RORA: variants seen among roughly 807,000 people sequenced by gnomAD.
RORA encodes RAR related orphan receptor A, also known as nuclear receptor ROR-alpha.
A neutral mutation model predicts 69.5 loss-of-function variants in RORA; 7 were observed. That is an observed-to-expected ratio of 0.10 (90% CI 0.06 to 0.19). RORA has a LOEUF of 0.19. Among genes scored for constraint, RORA ranks in the 10% least tolerant of loss-of-function variants. The probability of loss-of-function intolerance (pLI) is 1.00; values close to 1 mark genes in which losing one functional copy is unlikely to be tolerated. For synonymous variants in RORA, 261 were observed against 240.8 expected (o/e 1.08, Z -0.78); for missense variants, 457 against 663.0 (o/e 0.69, Z 3.41).
At chr15:61,075,595 C>T (rs1267965609) in intron 1 of RORA, among the ~76,000 whole-genome samples, 1 of 152,186 alleles carries the variant, frequency 6.6e-6, no homozygotes, top group East Asian at 1.9e-4. Flanking sequence ...CTGAGCAGAA[C>T]ATCCTATGAA....
At position 60,837,292 on chromosome 15, in the gene RORA, A is replaced by G. The variant is rs370582026; in HGVS notation, c.167-158606T>C. On this transcript the variant is annotated intron_variant, in intron 1 of 10. Coordinates refer to ENST00000335670, the MANE Select transcript of RORA (RefSeq NM_134261.3). The stretch of plus-strand genomic sequence containing the variant: ...TTTCCTATGTTTGTGTCAATATATC[A>G]AATTAGAAAAAGCAACTGACTAGGA... Among the ~76,000 whole-genome samples the G allele has an allele frequency of 2.0e-5, 3 of 152,226 alleles. No homozygotes were observed. In the East Asian group the frequency reaches 5.8e-4, roughly 29 times the overall value.
At chr15:61,050,268 A>G in intron 1 of RORA, among the ~76,000 whole-genome samples, 1 of 152,212 alleles carries the variant, frequency 6.6e-6, no homozygotes, top group East Asian at 1.9e-4. Flanking sequence ...CCCGTGGCTC[A>G]CAAAGTCTAA....
intron 1 of RORA, among the ~76,000 whole-genome samples, chr15:61,173,715 G>A (rs2079604563): frequency 6.6e-6 from 1 of 152,178 alleles, no homozygotes; most frequent in Admixed American, 6.5e-5. Context: ...GAGTGCAGTG[G>A]CGTGACCACG....
At chr15:61,212,458 G>A (rs2080001959) in intron 1 of RORA, among the ~76,000 whole-genome samples, 1 of 152,154 alleles carries the variant, frequency 6.6e-6, no homozygotes, top group South Asian at 2.1e-4. Context: ...GGAGTGCAAT[G>A]GCGCAATCTC....
At chr15:61,139,062 C>G (rs1470626257) in intron 1 of RORA, among the ~76,000 whole-genome samples, 14 of 151,332 alleles carry the variant, frequency 9.3e-5, no homozygotes, top group African/African-American at 2.2e-4. Context: ...GAGAACGGCA[C>G]GAACCCAGGA....
rs547815861 is a variant in RORA at position 60,765,565 on chromosome 15, C to T, written c.167-86879G>A. ...GTTAGAAGAGATAGCCAAGTTACCA[C>T]ACCTGTATCACGATTCGGATAAGGA... On this transcript the variant is annotated intron_variant, in intron 1 of 10. Transcript: ENST00000335670. 3.3e-5 allele frequency: 5 copies of T among 152,274 alleles called. No homozygotes were observed. In the East Asian group the frequency reaches 9.6e-4, roughly 29 times the overall value. The allele number at this position is 152,274 out of a possible 1,614,324, so 9.4% of individuals were successfully genotyped here.
chr15:60,511,290 G>A lies in RORA; in HGVS notation c.756C>T (p.Gly252=). 6.2e-7 allele frequency: 1 copy of A among 1,614,184 alleles called. No individual in the cohort carries two copies. Among genetic ancestry groups the A allele is most frequent in the African/African-American group, 1.3e-5 (1 of 75,048 alleles). The part of the protein sequence containing the change: ...EPICDYTPAS[G]FFPYCSFTNG... Reference sequence around the variant, plus strand: ...TGGTGAACGAACAGTAGGGAAAGAAGCCTGATGCTGGTGTGTAGTCACATA... The same window carrying A: ...TGGTGAACGAACAGTAGGGAAAGAAACCTGATGCTGGTGTGTAGTCACATA... Residue 252 remains glycine, a synonymous_variant, in exon 5 of 11, where the codon GGC becomes GGT. Coordinates refer to ENST00000335670, the MANE Select transcript of RORA (RefSeq NM_134261.3). The surrounding 1 kb of genome is among the most constrained non-coding windows in gnomAD (Gnocchi z 6.4).
chr15:61,108,931 G>A (rs918415559), intron 1 of RORA, among the ~76,000 whole-genome samples: 3 of 152,168 alleles, frequency 2.0e-5, no homozygotes, highest in Non-Finnish European at 4.4e-5. Context: ...AGGCACCGTG[G>A]CTCACACCTG....
At chr15:60,958,558 G>A (rs559822985) in intron 1 of RORA, among the ~76,000 whole-genome samples, 1 of 152,114 alleles carries the variant, frequency 6.6e-6, no homozygotes, top group Non-Finnish European at 1.5e-5. Context: ...CTGGGAGGCT[G>A]GAATTTTATC....
At chr15:60,979,758 G>T (rs1296904849) in intron 1 of RORA, among the ~76,000 whole-genome samples, 1 of 152,030 alleles carries the variant, frequency 6.6e-6, no homozygotes, top group Non-Finnish European at 1.5e-5. Context: ...GCACGTGTGT[G>T]TTTCTTTAGG....
intron 1 of RORA, among the ~76,000 whole-genome samples, chr15:61,023,871 T>C (rs1280211903): frequency 2.0e-5 from 3 of 152,188 alleles, no homozygotes; most frequent in Non-Finnish European, 4.4e-5. Flanking sequence ...TAACTCCCAC[T>C]AACTCAAGAA....
chr15:60,979,351 T>C (rs976813109), intron 1 of RORA, among the ~76,000 whole-genome samples: 7 of 148,530 alleles, frequency 4.7e-5, no homozygotes, highest in Non-Finnish European at 3.0e-5. Flanking sequence ...TAGGGTCAGC[T>C]TGAATTTTAG....
chr15:60,936,568 C>T (rs930640748), intron 1 of RORA, among the ~76,000 whole-genome samples: 2 of 151,766 alleles, frequency 1.3e-5, no homozygotes, highest in African/African-American at 2.4e-5. Context: ...CATCACCTAG[C>T]CCCCAAACGG....
At chr15:60,533,595 C>T (rs545344202) in intron 2 of RORA, among the ~76,000 whole-genome samples, 20 of 152,272 alleles carry the variant, frequency 1.3e-4, no homozygotes, top group Non-Finnish European at 2.4e-4. Context: ...CTAGAGAAAG[C>T]GAGTTACGCC....
At chr15:60,883,914 A>G (rs879794051) in intron 1 of RORA, among the ~76,000 whole-genome samples, 4 of 152,320 alleles carry the variant, frequency 2.6e-5, no homozygotes, top group Admixed American at 1.3e-4. Flanking sequence ...TATTTAGCCA[A>G]TTGACGGCCA....
At chr15:60,799,877 C>G (rs766048974) in intron 1 of RORA, among the ~76,000 whole-genome samples, 4 of 152,342 alleles carry the variant, frequency 2.6e-5, no homozygotes, top group Non-Finnish European at 5.9e-5. Flanking sequence ...CAGTCTTTGT[C>G]TTGCTCTCTG....
intron 1 of RORA, among the ~76,000 whole-genome samples, chr15:61,195,407 C>A (rs1405831971): frequency 2.0e-5 from 3 of 151,846 alleles, no homozygotes; most frequent in Non-Finnish European, 4.4e-5. Context: ...CCAAACCACA[C>A]TAGATACGGC....
chr15:61,014,619 G>C (rs1487525759), intron 1 of RORA, among the ~76,000 whole-genome samples: 1 of 152,140 alleles, frequency 6.6e-6, no homozygotes, highest in Non-Finnish European at 1.5e-5. Flanking sequence ...GTTAACTAGG[G>C]TCATAAGGCT....
At chr15:60,585,021 T>C (rs1373318283) in intron 2 of RORA, among the ~76,000 whole-genome samples, 2 of 152,216 alleles carry the variant, frequency 1.3e-5, no homozygotes, top group African/African-American at 2.4e-5. Flanking sequence ...GTAAGCACTA[T>C]TATCCTTTAC....
Sources: allele counts gnomAD v4.1 joint callset (sites outside exome capture counted in the v4.1 genomes callset), GRCh38; gene constraint gnomAD v4.1.1; non-coding constraint Gnocchi (gnomAD v3.1); transcripts MANE v1.5; gene names NCBI Gene and HGNC (gene_info 2026-07-23, HGNC 2026-07-21).